RTL10: variants seen among roughly 807,000 people sequenced by gnomAD.
RTL10 encodes retrotransposon Gag like 10.
For missense variants in RTL10, 477 were observed against 470.7 expected, an observed-to-expected ratio of 1.01 and a Z score of -0.12; for synonymous variants, 199 against 188.4, an observed-to-expected ratio of 1.06 and a Z score of -0.46.
At chr22:19,853,273 C>A (rs1569059356) in intron 2 of RTL10, among the ~76,000 whole-genome samples, 1 of 152,166 alleles carries the variant, frequency 6.6e-6, no homozygotes, top group Non-Finnish European at 1.5e-5. Context: ...TCTGCTCCCG[C>A]CACTCCAGTC....
At position 19,847,704 on chromosome 22, in the gene RTL10, T is replaced by C; in HGVS notation, c.*3463A>G. On this transcript the variant is annotated 3_prime_UTR_variant, in exon 3 of 3. Coordinates refer to ENST00000328554, the MANE Select transcript of RTL10 (RefSeq NM_024627.6). ...GCCTAGAATTGTTACGTGGTCAAAT[T>C]ATATTATTGTGTATTCCCACCAACA... is the stretch of plus-strand genomic sequence containing the variant. 1 of 984,424 alleles carries C rather than the reference T, an allele frequency of 1.0e-6. No homozygotes were observed. Among genetic ancestry groups the C allele is most frequent in the Non-Finnish European group, 1.2e-6 (1 of 829,778 alleles). 61.0% of individuals were successfully genotyped at this position (984,424 alleles called of 1,614,324 possible). A position where few individuals can be genotyped will look rare whatever the true frequency, so the allele number is the denominator to read the frequency against.
In RTL10 at chr22:19,850,898, C is replaced by A; in HGVS notation, c.*269G>T. ...AAAACGACCCCCTCGTGGGAGCAGG[C>A]CTGGGTGAGACGGCACTCCCAGAAG... is the stretch of plus-strand genomic sequence containing the variant. On this transcript the variant is annotated 3_prime_UTR_variant, in exon 3 of 3. Transcript: ENST00000328554. 1.5e-6 allele frequency: 2 copies of A among 1,360,594 alleles called. No individual in the cohort carries two copies. Among genetic ancestry groups the A allele is most frequent in the Non-Finnish European group, 1.9e-6 (2 of 1,060,858 alleles). The allele number at this position is 1,360,594 out of a possible 1,614,324, so 84.3% of individuals were successfully genotyped here. A position where few individuals can be genotyped will look rare whatever the true frequency, so the allele number is the denominator to read the frequency against.
At position 19,852,478 on chromosome 22, in the gene RTL10, C is replaced by T. The variant is rs953249691; in HGVS notation, c.-217G>A. 7 of 579,186 alleles carry T rather than the reference C, an allele frequency of 1.2e-5. No homozygotes were observed. Among genetic ancestry groups the T allele is most frequent in the Middle Eastern group, 4.6e-4 (1 of 2,180 alleles). 35.9% of individuals were successfully genotyped at this position (579,186 alleles called of 1,614,324 possible). ...AGACTGTCAGTCGCAGGCCATCATC[C>T]GAGGCAATCTGTCCAAAGACAAGGT... On this transcript the variant is annotated 5_prime_UTR_variant, in exon 3 of 3. Transcript: ENST00000328554.
In RTL10 at chr22:19,851,856, T is replaced by A. The variant is rs761739987; in HGVS notation, c.406A>T (p.Ile136Phe). Residue 136 changes from isoleucine (I) to phenylalanine (F), a missense_variant, in exon 3 of 3, where the codon ATC (isoleucine) becomes TTC (phenylalanine). Physicochemically the swap from Ile to Phe is conservative, Grantham distance 21. Coordinates refer to ENST00000328554, the MANE Select transcript of RTL10 (RefSeq NM_024627.6). Reference protein sequence around the residue: ...SFHFEHYQDNISRVCEILRRL... With the variant: ...SFHFEHYQDNFSRVCEILRRL... ...CTGAGGATCTCGCAGACACGGCTGA[T>A]GTTGTCCTGATAGTGCTCAAAGTGG... is the stretch of plus-strand genomic sequence containing the variant. 1.9e-6 allele frequency: 3 copies of A among 1,613,344 alleles called. No homozygotes were observed. In the African/African-American group the frequency reaches 4.0e-5, roughly 22 times the overall value.
chr22:19,850,680 C>G lies in RTL10; in HGVS notation c.*487G>C, dbSNP rs1323325567. The G allele has an allele frequency of 7.3e-6, 9 of 1,230,912 alleles. No homozygotes were observed. Among genetic ancestry groups the G allele is most frequent in the Non-Finnish European group, 9.1e-6 (9 of 988,284 alleles). The allele number at this position is 1,230,912 out of a possible 1,614,324, so 76.2% of individuals were successfully genotyped here. Reference sequence around the variant, plus strand: ...AGCCTTCCTCACATTCCAGCTGGGACAGAAGTCACAGGGAGCAGAGAGGGT... The same window carrying G: ...AGCCTTCCTCACATTCCAGCTGGGAGAGAAGTCACAGGGAGCAGAGAGGGT... On this transcript the variant is annotated 3_prime_UTR_variant, in exon 3 of 3. Transcript: ENST00000328554.
Position 19,850,721 on chromosome 22 carries a change from G to T in RTL10, c.*446C>A. On this transcript the variant is annotated 3_prime_UTR_variant, in exon 3 of 3. Transcript: ENST00000328554. ...CAGAGAGGGTGGGGCTAGGGGGACAGACACAGAAACCCCATACAGGAACGA... is the reference window on the plus strand; with the variant it reads ...CAGAGAGGGTGGGGCTAGGGGGACATACACAGAAACCCCATACAGGAACGA... 1 of 1,236,910 alleles carries T rather than the reference G, an allele frequency of 8.1e-7. No homozygotes were observed. Among genetic ancestry groups the T allele is most frequent in the Non-Finnish European group, 1.0e-6 (1 of 991,784 alleles). 76.6% of individuals were successfully genotyped at this position (1,236,910 alleles called of 1,614,324 possible). A position where few individuals can be genotyped will look rare whatever the true frequency, so the allele number is the denominator to read the frequency against.
In RTL10 at chr22:19,846,862, T is replaced by A; in HGVS notation, c.*4305A>T. 1.1e-6 allele frequency: 1 copy of A among 917,940 alleles called. No individual in the cohort carries two copies. The highest frequency in any genetic ancestry group is 5.5e-4 in the Middle Eastern group (1 of 1,806). 56.9% of individuals were successfully genotyped at this position (917,940 alleles called of 1,614,324 possible). ...AGCTCCAGAATCATGAGGAAATGTC[T>A]GTTGTTTAAGTCCCCTAGCCTGCGG... On this transcript the variant is annotated 3_prime_UTR_variant, in exon 3 of 3. Transcript: ENST00000328554.
At position 19,848,391 on chromosome 22, in the gene RTL10, G is replaced by A. The variant is rs901373110; in HGVS notation, c.*2776C>T. Reference sequence around the variant, plus strand: ...GCCAGAAGAGAAAAACAACCCAGGGGGAATGCCTCCTTCCCCCAGCAGGAA... The same window carrying A: ...GCCAGAAGAGAAAAACAACCCAGGGAGAATGCCTCCTTCCCCCAGCAGGAA... On this transcript the variant is annotated 3_prime_UTR_variant, in exon 3 of 3. Coordinates refer to ENST00000328554, the MANE Select transcript of RTL10 (RefSeq NM_024627.6). 15 of 985,472 alleles carry A rather than the reference G, an allele frequency of 1.5e-5. No homozygotes were observed. Among genetic ancestry groups the A allele is most frequent in the Non-Finnish European group, 1.8e-5 (15 of 829,982 alleles). 61.0% of individuals were successfully genotyped at this position (985,472 alleles called of 1,614,324 possible).
intron 2 of RTL10, among the ~76,000 whole-genome samples, chr22:19,854,230 G>C (rs984210851): frequency 2.6e-5 from 4 of 152,202 alleles, no homozygotes; most frequent in Non-Finnish European, 5.9e-5. Context: ...CAGGTACCAC[G>C]GCGCATGTGT....
chr22:19,852,159 G>T lies in RTL10; in HGVS notation c.103C>A (p.Pro35Thr). Reference protein sequence around the residue: ...HPWQQMDKASPGVAYTPLVDP... With the variant: ...HPWQQMDKASTGVAYTPLVDP... ...ACAAGGGGGGTGTATGCCACCCCAG[G>T]AGACGCCTTGTCCATCTGCTGCCAT... Residue 35 changes from proline (P) to threonine (T), a missense_variant, in exon 3 of 3, where the codon CCT (proline) becomes ACT (threonine). Physicochemically the swap from Pro to Thr is conservative, Grantham distance 38. Transcript: ENST00000328554. The T allele has an allele frequency of 6.2e-7, 1 of 1,614,112 alleles. No individual in the cohort carries two copies. The highest frequency in any genetic ancestry group is 8.5e-7 in the Non-Finnish European group (1 of 1,180,034).
chr22:19,853,850 C>T (rs1938171079), intron 2 of RTL10, among the ~76,000 whole-genome samples: 1 of 152,212 alleles, frequency 6.6e-6, no homozygotes, highest in Non-Finnish European at 1.5e-5. Flanking sequence ...AGCAGTGACC[C>T]CGATCCAGGG....
chr22:19,851,754 G>A lies in RTL10; in HGVS notation c.508C>T (p.Leu170Phe), dbSNP rs144116940. The change falls in exon 3 of 3, where the codon CTC becomes TTC. Residue 170 changes from leucine (L) to phenylalanine (F), a missense_variant. By Grantham distance (22) the Leu-to-Phe change is conservative. Transcript: ENST00000328554. ...GDLPLPDDYE[L>F]FCQDLKEVVQ... Reference sequence around the variant, plus strand: ...ACTTCCTTGAGATCCTGGCAGAAGAGCTCGTAATCGTCAGGCAGGGGCAGG... The same window carrying A: ...ACTTCCTTGAGATCCTGGCAGAAGAACTCGTAATCGTCAGGCAGGGGCAGG... 7.1e-5 allele frequency: 114 copies of A among 1,610,356 alleles called. No homozygotes were observed. The East Asian group carries it at 1.7e-3, about 25-fold the overall frequency.
Position 19,848,548 on chromosome 22 carries a change from T to A in RTL10, c.*2619A>T. On this transcript the variant is annotated 3_prime_UTR_variant, in exon 3 of 3. Coordinates refer to ENST00000328554, the MANE Select transcript of RTL10 (RefSeq NM_024627.6). ...TCCATCGTTGCCTCCACCCTACCTGTGCAGGAAACCTGGACATCACCACTT... is the reference window on the plus strand; with the variant it reads ...TCCATCGTTGCCTCCACCCTACCTGAGCAGGAAACCTGGACATCACCACTT... 1.0e-6 allele frequency: 1 copy of A among 985,500 alleles called. No individual in the cohort carries two copies. The highest frequency in any genetic ancestry group is 1.2e-6 in the Non-Finnish European group (1 of 829,960). The allele number at this position is 985,500 out of a possible 1,614,324, so 61.0% of individuals were successfully genotyped here.
rs201085521 is a variant in RTL10 at position 19,851,392 on chromosome 22, G to T, written c.870C>A (p.Ser290=). 4 of 1,614,064 alleles carry T rather than the reference G, an allele frequency of 2.5e-6. No homozygotes were observed. Among genetic ancestry groups the T allele is most frequent in the Non-Finnish European group, 3.4e-6 (4 of 1,179,980 alleles). Residue 290 remains serine (S), a synonymous_variant, in exon 3 of 3, where the codon TCC becomes TCA. Coordinates refer to ENST00000328554, the MANE Select transcript of RTL10 (RefSeq NM_024627.6). ...GTGTGGGGGCTGCCTCCTCTGGCTGGGAAGAGGCTGGTTCCACAGGACCAG... is the reference window on the plus strand; with the variant it reads ...GTGTGGGGGCTGCCTCCTCTGGCTGTGAAGAGGCTGGTTCCACAGGACCAG... ...SKPGPVEPAS[S]QPEEAAPTPV...
chr22:19,849,732 C>T lies in RTL10; in HGVS notation c.*1435G>A. On this transcript the variant is annotated 3_prime_UTR_variant, in exon 3 of 3. Coordinates refer to ENST00000328554, the MANE Select transcript of RTL10 (RefSeq NM_024627.6). Reference sequence around the variant, plus strand: ...TTTCCTAAAATAGTTGGCTGTATTTCCAATTCACATTTCTGCTTTTTCTTC... The same window carrying T: ...TTTCCTAAAATAGTTGGCTGTATTTTCAATTCACATTTCTGCTTTTTCTTC... 1 of 985,414 alleles carries T rather than the reference C, an allele frequency of 1.0e-6. No individual in the cohort carries two copies. Among genetic ancestry groups the T allele is most frequent in the Non-Finnish European group, 1.2e-6 (1 of 829,912 alleles). The allele number at this position is 985,414 out of a possible 1,614,324, so 61.0% of individuals were successfully genotyped here. A position where few individuals can be genotyped will look rare whatever the true frequency, so the allele number is the denominator to read the frequency against.
chr22:19,851,566 C>G lies in RTL10; in HGVS notation c.696G>C (p.Arg232Ser). ...GLALDMGTAPRSLPAAMATPA... is the reference protein window; with the variant it reads ...GLALDMGTAPSSLPAAMATPA... ...GGGTGGCCATGGCGGCTGGTAAAGACCTGGGGGCAGTACCCATGTCGAGTG... is the reference window on the plus strand; with the variant it reads ...GGGTGGCCATGGCGGCTGGTAAAGAGCTGGGGGCAGTACCCATGTCGAGTG... The change falls in exon 3 of 3, where the codon AGG (arginine) becomes AGC (serine). Residue 232 changes from arginine (R) to serine (S), a missense_variant. Coordinates refer to ENST00000328554, the MANE Select transcript of RTL10 (RefSeq NM_024627.6). 1 of 1,611,848 alleles carries G rather than the reference C, an allele frequency of 6.2e-7. No homozygotes were observed. Among genetic ancestry groups the G allele is most frequent in the African/African-American group, 1.3e-5 (1 of 74,992 alleles).
Position 19,847,560 on chromosome 22 carries a change from G to A in RTL10, c.*3607C>T, listed in dbSNP as rs143551481. 1.4e-3 allele frequency: 1,363 copies of A among 985,252 alleles called. 2 individuals carry two copies. The highest frequency in any genetic ancestry group is 1.5e-3 in the Non-Finnish European group (1,209 of 829,858). The allele number at this position is 985,252 out of a possible 1,614,324, so 61.0% of individuals were successfully genotyped here. A position where few individuals can be genotyped will look rare whatever the true frequency, so the allele number is the denominator to read the frequency against. ...TAAGGACCCTCAGCTCATGCGGGGA[G>A]GGGAGGAGGCAAGGCCAACCTCCAG... On this transcript the variant is annotated 3_prime_UTR_variant, in exon 3 of 3. Coordinates refer to ENST00000328554, the MANE Select transcript of RTL10 (RefSeq NM_024627.6).
In RTL10 at chr22:19,849,873, C is replaced by A; in HGVS notation, c.*1294G>T. ...ACACTGCACACACTGGGCGGCTGTA[C>A]CTGCCTATCCTGTGGTAAACTTGGC... On this transcript the variant is annotated 3_prime_UTR_variant, in exon 3 of 3. Transcript: ENST00000328554. The A allele has an allele frequency of 1.0e-6, 1 of 985,474 alleles. No individual in the cohort carries two copies. The highest frequency in any genetic ancestry group is 1.2e-6 in the Non-Finnish European group (1 of 829,960). 61.0% of individuals were successfully genotyped at this position (985,474 alleles called of 1,614,324 possible). A position where few individuals can be genotyped will look rare whatever the true frequency, so the allele number is the denominator to read the frequency against.
At position 19,850,126 on chromosome 22, in the gene RTL10, G is replaced by GC; in HGVS notation, c.*1040dup. On this transcript the variant is annotated 3_prime_UTR_variant, in exon 3 of 3. Coordinates refer to ENST00000328554, the MANE Select transcript of RTL10 (RefSeq NM_024627.6). ...AGACCCTTGGACCCTCAAAGCCCCT[G>GC]CCAGAAACCACAGCTGCAATGCTGA... 1 of 985,360 alleles carries GC rather than the reference G, an allele frequency of 1.0e-6. No individual in the cohort carries two copies. Among genetic ancestry groups the GC allele is most frequent in the Non-Finnish European group, 1.2e-6 (1 of 829,986 alleles). 61.0% of individuals were successfully genotyped at this position (985,360 alleles called of 1,614,324 possible). A position where few individuals can be genotyped will look rare whatever the true frequency, so the allele number is the denominator to read the frequency against.
Sources: gnomAD v4.1 joint callset for allele counts (sites outside exome capture counted in the v4.1 genomes callset) on GRCh38, gnomAD v4.1.1 for gene constraint, MANE v1.5 for transcripts, NCBI Gene and HGNC (gene_info 2026-07-23, HGNC 2026-07-21) for gene names.